The following CCDC141 variants were observed in gnomAD, a reference collection of about 807,000 sequenced individuals.
CCDC141 encodes coiled-coil domain containing 141.
A neutral mutation model predicts 181.0 loss-of-function variants in CCDC141; 168 were observed. The ratio of observed to expected loss-of-function variants is 0.93; its 90% CI spans 0.82 to 1.05. The LOEUF (loss-of-function observed/expected upper bound fraction) is 1.05, where lower values mean the gene tolerates loss of function less well. Ranked by LOEUF, CCDC141 falls within the 50% of genes least tolerant of loss-of-function variation. CCDC141 has a pLI of 0.00. For synonymous variants in CCDC141, 666 were observed against 642.3 expected, an observed-to-expected ratio of 1.04 and a Z score of -0.56; for missense variants, 1,902 against 1,788.5, an observed-to-expected ratio of 1.06 and a Z score of -1.14.
At chr2:179,003,598 C>T (rs1395122484) in intron 2 of CCDC141, among the ~76,000 whole-genome samples, 1 of 152,080 alleles carries the variant, frequency 6.6e-6, no homozygotes, top group Non-Finnish European at 1.5e-5. Context: ...CTTCTAACTA[C>T]TATTATTATT....
intron 7 of CCDC141, among the ~76,000 whole-genome samples, chr2:178,910,353 C>G (rs916184355): frequency 6.6e-6 from 1 of 152,160 alleles, no homozygotes; most frequent in Non-Finnish European, 1.5e-5. Flanking sequence ...AGAAAGAAAA[C>G]AGCAGAACCT....
chr2:178,954,841 C>T (rs779737661), intron 5 of CCDC141, among the ~76,000 whole-genome samples: 1 of 151,822 alleles, frequency 6.6e-6, no homozygotes, highest in Non-Finnish European at 1.5e-5. Flanking sequence ...CTTTGCCCTT[C>T]AATGAAATGT....
intron 2 of CCDC141, among the ~76,000 whole-genome samples, chr2:179,022,676 T>C (rs2042722970): frequency 6.6e-6 from 1 of 152,220 alleles, no homozygotes; most frequent in East Asian, 1.9e-4. Context: ...ATGTTGTGAC[T>C]TCACTGTTAT....
At chr2:178,839,058 G>A (rs1684608551) in intron 22 of CCDC141, among the ~76,000 whole-genome samples, 1 of 152,232 alleles carries the variant, frequency 6.6e-6, no homozygotes, top group South Asian at 2.1e-4. Context: ...ATCTTGCCTT[G>A]CCTTTGAGTT....
At chr2:178,908,105 A>G (rs1448679599) in intron 7 of CCDC141, among the ~76,000 whole-genome samples, 2 of 152,116 alleles carry the variant, frequency 1.3e-5, no homozygotes, top group African/African-American at 2.4e-5. Context: ...GCCAATAACC[A>G]CTGTTTCTGA....
In CCDC141 at chr2:178,944,510, TTA is replaced by T. The variant is rs1042545556; in HGVS notation, c.897+23_897+24del. On this transcript the variant is annotated intron_variant, in intron 6 of 23. Transcript: ENST00000443758. ...AAGTTAATGCATTTTTCAATTATTT[TTA>T]GTGTGTCTAATATATCTCTTACCTT... is the stretch of plus-strand genomic sequence containing the variant. 8.9e-6 allele frequency: 10 copies of T among 1,124,092 alleles called. No individual in the cohort carries two copies. The African/African-American group carries it at 1.3e-4, about 14-fold the overall frequency. 69.6% of individuals were successfully genotyped at this position (1,124,092 alleles called of 1,614,324 possible). A position where few individuals can be genotyped will look rare whatever the true frequency, so the allele number is the denominator to read the frequency against.
intron 2 of CCDC141, among the ~76,000 whole-genome samples, chr2:179,016,801 T>A (rs2042556348): frequency 6.6e-6 from 1 of 152,218 alleles, no homozygotes; most frequent in Admixed American, 6.6e-5. Flanking sequence ...AAGGTGAGGT[T>A]TGGCATCAGG....
At chr2:178,943,708 T>C (rs1392686090) in intron 6 of CCDC141, among the ~76,000 whole-genome samples, 1 of 152,166 alleles carries the variant, frequency 6.6e-6, no homozygotes, top group African/African-American at 2.4e-5. Flanking sequence ...TTCTGTTTTC[T>C]TGTGGATCAA....
intron 5 of CCDC141, among the ~76,000 whole-genome samples, chr2:178,959,580 A>G (rs1211613885): frequency 1.3e-5 from 2 of 152,180 alleles, no homozygotes; most frequent in East Asian, 3.9e-4. Flanking sequence ...AGACCTTTGC[A>G]TTGGACGATA....
intron 20 of CCDC141, among the ~76,000 whole-genome samples, chr2:178,851,205 C>CAAAA (rs3045634): frequency 2.9e-5 from 3 of 103,798 alleles, no homozygotes; most frequent in African/African-American, 7.2e-5. Context: ...GACTTTGTCT[C>CAAAA]AAAAAAAAAA....
intron 2 of CCDC141, among the ~76,000 whole-genome samples, chr2:178,986,031 C>G (rs909964381): frequency 1.3e-5 from 2 of 152,158 alleles, no homozygotes; most frequent in South Asian, 2.1e-4. Context: ...GAATTTTAGA[C>G]CAATATCCTT....
chr2:178,852,319 A>G (rs1685198438), intron 20 of CCDC141, among the ~76,000 whole-genome samples: 2 of 152,186 alleles, frequency 1.3e-5, no homozygotes, highest in African/African-American at 4.8e-5. Flanking sequence ...TGAAAAAAAT[A>G]TACTTTCCTC....
intron 2 of CCDC141, among the ~76,000 whole-genome samples, chr2:179,028,680 T>C (rs1285622663): frequency 1.3e-5 from 2 of 152,340 alleles, no homozygotes; most frequent in East Asian, 1.9e-4. Context: ...TGTAAAATTA[T>C]TGATTCTAAA....
rs34507992 is a variant in CCDC141 at position 178,992,340 on chromosome 2, CTT to C, written c.226-13667_226-13666del. Among the ~76,000 whole-genome samples, 792 of 118,544 alleles carry C rather than the reference CTT, an allele frequency of 6.7e-3. 11 individuals are homozygous for C. The highest frequency in any genetic ancestry group is 0.019 in the African/African-American group (584 of 31,220). The allele number at this position is 118,544 out of a possible 152,430, so 77.8% of individuals were successfully genotyped here. ...ATTTTTGCAATTATGTAAAATAGAC[CTT>C]TTTTTTTTTTTTTTTTAAATAGACC... On this transcript the variant is annotated intron_variant, in intron 2 of 23. Coordinates refer to ENST00000443758, the MANE Select transcript of CCDC141 (RefSeq NM_173648.4).
chr2:178,930,911 G>T (rs1187268843), intron 6 of CCDC141, among the ~76,000 whole-genome samples: 1 of 152,010 alleles, frequency 6.6e-6, no homozygotes, highest in Non-Finnish European at 1.5e-5. Context: ...TGGTTTCTTA[G>T]ATATGACACC....
At chr2:178,918,639 C>T (rs1003658523) in intron 7 of CCDC141, 74 bp downstream of exon 7, 12 of 1,229,282 alleles carry the variant, frequency 9.8e-6, no homozygotes, top group African/African-American at 7.6e-5. Context: ...TGATGTGCTC[C>T]AGTCAGTTGA....
intron 1 of CCDC141, among the ~76,000 whole-genome samples, chr2:179,049,596 T>G (rs1229360486): frequency 2.6e-5 from 4 of 151,554 alleles, no homozygotes; most frequent in Non-Finnish European, 5.9e-5. Flanking sequence ...TTTCTTTTTT[T>G]TTTTTTTTTT....
At chr2:178,847,852 T>C (rs1488347322) in intron 21 of CCDC141, among the ~76,000 whole-genome samples, 1 of 152,146 alleles carries the variant, frequency 6.6e-6, no homozygotes, top group Admixed American at 6.5e-5. Flanking sequence ...ATTAGTGCCC[T>C]TAGAAAAGAG....
rs1685342198 is a variant in CCDC141 at position 178,855,469 on chromosome 2, C to T, written c.2938G>A (p.Val980Ile). The T allele has an allele frequency of 6.2e-7, 1 of 1,610,556 alleles. No individual in the cohort carries two copies. Among genetic ancestry groups the T allele is most frequent in the Non-Finnish European group, 8.5e-7 (1 of 1,178,402 alleles). ...TTCATGACTTCCAAAAGGACATTAA[C>T]TTTATCACTTGGATAATTTAAGAAA... Reference protein sequence around the residue: ...DSFLNYPSDKVNVLLEVMKDL... With the variant: ...DSFLNYPSDKINVLLEVMKDL... Residue 980 changes from valine (V) to isoleucine (I), a missense_variant, in exon 19 of 24, where the codon GTT becomes ATT. Coordinates refer to ENST00000443758, the MANE Select transcript of CCDC141 (RefSeq NM_173648.4).
Sources: gnomAD v4.1 joint callset for allele counts (sites outside exome capture counted in the v4.1 genomes callset) on GRCh38, gnomAD v4.1.1 for gene constraint, MANE v1.5 for transcripts, NCBI Gene and HGNC (gene_info 2026-07-23, HGNC 2026-07-21) for gene names.